GRM1: variants seen among roughly 807,000 people sequenced by gnomAD.
GRM1 encodes the protein glutamate metabotropic receptor 1, also known as metabotropic glutamate receptor 1.
In GRM1, 33 loss-of-function variants were observed where a neutral mutation model predicts 90.9. The observed-to-expected ratio is 0.36, with a 90% CI of 0.28 to 0.49. GRM1 has a LOEUF of 0.49. Among genes scored for constraint, GRM1 ranks in the 20% least tolerant of loss-of-function variants. The pLI is 0.99. For missense variants in GRM1, 1,190 were observed against 1,534.3 expected (o/e 0.78, Z 3.75); for synonymous variants, 700 against 613.2 (o/e 1.14, Z -2.09).
chr6:146,159,633 TCTCTCTCTCA>T (rs778101099), intron 2 of GRM1, 36 bp downstream of exon 2: 144 of 1,350,934 alleles, frequency 1.1e-4, no homozygotes, highest in Middle Eastern at 2.5e-4. Flanking sequence ...TCTCTCTCTC[TCTCTCTCTCA>T]CACACACACA....
rs1402588557 is a variant in GRM1 at position 146,414,957 on chromosome 6, C to T, written c.2660+15258C>T. 7.2e-5 allele frequency among the ~76,000 whole-genome samples: 11 copies of T among 152,132 alleles called. No homozygotes were observed. In the East Asian group the frequency reaches 7.7e-4, roughly 11 times the overall value. On this transcript the variant is annotated intron_variant, in intron 7 of 7. Coordinates refer to ENST00000282753, the MANE Select transcript of GRM1 (RefSeq NM_001278064.2). ...TTTTCTAGGAGGTTTATTGTTTTGA[C>T]TTTTACATTTATTACTGTAATGCAT...
chr6:146,145,013 C>G (rs569389248), intron 1 of GRM1, among the ~76,000 whole-genome samples: 4 of 152,066 alleles, frequency 2.6e-5, no homozygotes, highest in Non-Finnish European at 5.9e-5. Context: ...GTGGAAAGTC[C>G]AACTTAAGAG....
chr6:146,417,925 G>A (rs1777845428), intron 7 of GRM1, among the ~76,000 whole-genome samples: 1 of 152,068 alleles, frequency 6.6e-6, no homozygotes, highest in African/African-American at 2.4e-5. Context: ...AGCACAGCAG[G>A]CTATTTTCCC....
At position 146,304,642 on chromosome 6, in the gene GRM1, G is replaced by A. The variant is rs1354913853; in HGVS notation, c.982G>A (p.Glu328Lys). The change falls in exon 3 of 8, where the codon GAA (glutamate) becomes AAA (lysine). Residue 328 changes from glutamate (E) to lysine (K), a missense_variant. Glu to Lys is a moderately conservative substitution (Grantham distance 56). Transcript: ENST00000282753. ...ATGGGCAGACAGAGATGAAGTCATT[G>A]AAGGTTATGAGGTGGAAGCCAACGG... ...DGWADRDEVI[E>K]GYEVEANGGI... 5 of 1,613,562 alleles carry A rather than the reference G, an allele frequency of 3.1e-6. No homozygotes were observed. Among genetic ancestry groups the A allele is most frequent in the Non-Finnish European group, 4.2e-6 (5 of 1,179,734 alleles).
chr6:146,194,189 C>G (rs571496535), intron 2 of GRM1, among the ~76,000 whole-genome samples: 1 of 152,260 alleles, frequency 6.6e-6, no homozygotes, highest in South Asian at 2.1e-4. Context: ...CTTTTATGCA[C>G]TTGCCTACTC....
At chr6:146,223,623 A>G (rs1033712345) in intron 2 of GRM1, among the ~76,000 whole-genome samples, 1 of 152,126 alleles carries the variant, frequency 6.6e-6, no homozygotes, top group East Asian at 1.9e-4. Context: ...GAATATCACT[A>G]AAATATACTT....
At chr6:146,225,552 A>C (rs776579886) in intron 2 of GRM1, among the ~76,000 whole-genome samples, 2 of 152,122 alleles carry the variant, frequency 1.3e-5, no homozygotes, top group African/African-American at 4.8e-5. Context: ...TTTAGAATCT[A>C]TTTCCTTGGG....
At chr6:146,159,287 A>C in intron 1 of GRM1, 61 bp from the exon 2 acceptor site, 1 of 1,605,622 alleles carries the variant, frequency 6.2e-7, no homozygotes, top group Non-Finnish European at 8.5e-7. Context: ...TTGTTATTCC[A>C]TTGTGTAAGT....
intron 2 of GRM1, among the ~76,000 whole-genome samples, chr6:146,281,165 G>A (rs2114854565): frequency 6.6e-6 from 1 of 152,172 alleles, no homozygotes; most frequent in Non-Finnish European, 1.5e-5. Flanking sequence ...CTTCTTGATG[G>A]TAATTTGTTT....
chr6:146,222,579 T>C (rs1410214549), intron 2 of GRM1, among the ~76,000 whole-genome samples: 3 of 151,834 alleles, frequency 2.0e-5, no homozygotes, highest in East Asian at 1.9e-4. Flanking sequence ...AGAGAGAGAA[T>C]TTTTTCCTAC....
At chr6:146,097,686 C>T (rs1011912630) in intron 1 of GRM1, among the ~76,000 whole-genome samples, 3 of 152,186 alleles carry the variant, frequency 2.0e-5, no homozygotes, top group Non-Finnish European at 2.9e-5. Context: ...CTTTAAGATC[C>T]TTGAGCATAT....
intron 7 of GRM1, among the ~76,000 whole-genome samples, chr6:146,415,205 T>C (rs1777734403): frequency 6.6e-6 from 1 of 152,190 alleles, no homozygotes; most frequent in Admixed American, 6.5e-5. Flanking sequence ...ATTCTTTTTG[T>C]ATCTTCACCT....
At chr6:146,037,103 C>A (rs1179756413) in intron 1 of GRM1, among the ~76,000 whole-genome samples, 1 of 151,828 alleles carries the variant, frequency 6.6e-6, no homozygotes, top group African/African-American at 2.4e-5. Flanking sequence ...TAATCACTAC[C>A]ATGTTATATT....
At position 146,357,394 on chromosome 6, in the gene GRM1, A is replaced by G. The variant is rs957796429; in HGVS notation, c.1434-132A>G. The stretch of plus-strand genomic sequence containing the variant: ...TCAGAGGAAACATAAGAAATAAGCT[A>G]AAATATTGGCAGTAGCTGATTTAAG... On this transcript the variant is annotated intron_variant, in intron 4 of 7. Transcript: ENST00000282753. 4.1e-6 allele frequency: 3 copies of G among 733,250 alleles called. No homozygotes were observed. In the African/African-American group the frequency reaches 5.2e-5, roughly 13 times the overall value. The allele number at this position is 733,250 out of a possible 1,614,324, so 45.4% of individuals were successfully genotyped here. A position where few individuals can be genotyped will look rare whatever the true frequency, so the allele number is the denominator to read the frequency against.
chr6:146,265,606 G>A (rs1395422787), intron 2 of GRM1, among the ~76,000 whole-genome samples: 1 of 152,094 alleles, frequency 6.6e-6, no homozygotes, highest in East Asian at 1.9e-4. Flanking sequence ...ATTTGCCTAG[G>A]CCAATGTCTA....
At chr6:146,050,316 C>G (rs992255357) in intron 1 of GRM1, among the ~76,000 whole-genome samples, 1 of 151,972 alleles carries the variant, frequency 6.6e-6, no homozygotes, top group South Asian at 2.1e-4. Context: ...GTGTGTCTCT[C>G]TAGAAAAGGC....
At chr6:146,097,352 A>G (rs983760634) in intron 1 of GRM1, among the ~76,000 whole-genome samples, 2 of 152,194 alleles carry the variant, frequency 1.3e-5, no homozygotes, top group Non-Finnish European at 2.9e-5. Flanking sequence ...AGTAGAAACC[A>G]GTTTTAATCC....
At chr6:146,186,095 GTTT>G (rs111964915) in intron 2 of GRM1, among the ~76,000 whole-genome samples, 3 of 131,196 alleles carry the variant, frequency 2.3e-5, no homozygotes, top group African/African-American at 5.6e-5. Flanking sequence ...ATTACAGCTG[GTTT>G]TTTTTTTTTT....
upstream of GRM1, among the ~76,000 whole-genome samples, chr6:146,028,257 G>A (rs1164069674): frequency 6.6e-6 from 1 of 150,644 alleles, no homozygotes; most frequent in Non-Finnish European, 1.5e-5. Flanking sequence ...GTGTGTGTGT[G>A]TGTGTGTGTG....
Sources: allele counts gnomAD v4.1 joint callset (sites outside exome capture counted in the v4.1 genomes callset), GRCh38; gene constraint gnomAD v4.1.1; transcripts MANE v1.5; gene names NCBI Gene and HGNC (gene_info 2026-07-23, HGNC 2026-07-21).